The following PTBP2 variants were observed in gnomAD, a reference collection of about 807,000 sequenced individuals.
PTBP2 encodes the protein polypyrimidine tract-binding protein 2.
A neutral mutation model predicts 61.4 loss-of-function variants in PTBP2; 13 were observed. That is an observed-to-expected ratio of 0.21 (90% confidence interval 0.14 to 0.34). The LOEUF (loss-of-function observed/expected upper bound fraction) is 0.34, where lower values mean the gene tolerates loss of function less well. PTBP2 is among the 10% of genes least tolerant of loss of function. The pLI is 1.00. For missense variants in PTBP2, 405 were observed against 642.6 expected (o/e 0.63, Z 4.00); for synonymous variants, 215 against 218.5 (o/e 0.98, Z 0.14).
chr1:96,746,830 TG>T, intron 2 of PTBP2, among the ~76,000 whole-genome samples: 1 of 82,682 alleles, frequency 1.2e-5, no homozygotes, highest in African/African-American at 4.4e-5. Flanking sequence ...TCTGTCTGTC[TG>T]TCTGTCTCCC....
intron 2 of PTBP2, 145 bp downstream of exon 2, chr1:96,723,739 A>AT: frequency 1.6e-6 from 1 of 622,174 alleles, no homozygotes; most frequent in African/African-American, 1.8e-5. Context: ...AAGTTGGACC[A>AT]TATAAACAGT....
At chr1:96,725,169 G>T (rs1286801067) in intron 2 of PTBP2, among the ~76,000 whole-genome samples, 1 of 152,176 alleles carries the variant, frequency 6.6e-6, no homozygotes, top group African/African-American at 2.4e-5. Context: ...AAGAATAAAT[G>T]ATACAAGTGT....
chr1:96,746,074 A>C (rs1557701887), intron 2 of PTBP2, among the ~76,000 whole-genome samples: 1 of 145,994 alleles, frequency 6.8e-6, no homozygotes. Flanking sequence ...TCAAAAACAA[A>C]CAAAAAAAAA....
intron 5 of PTBP2, 141 bp downstream of exon 5, chr1:96,770,992 A>C (rs971202742): frequency 2.9e-6 from 2 of 681,360 alleles, no homozygotes; most frequent in Non-Finnish European, 4.8e-6. Flanking sequence ...TTCATGCAGA[A>C]TGTTTCTAAG....
chr1:96,749,174 GC>G (rs1654216445), intron 2 of PTBP2, among the ~76,000 whole-genome samples: 1 of 149,878 alleles, frequency 6.7e-6, no homozygotes, highest in African/African-American at 2.4e-5. Flanking sequence ...GTCCTTCATA[GC>G]ACACCACAAG....
intron 3 of PTBP2, among the ~76,000 whole-genome samples, chr1:96,765,264 G>C (rs188439482): frequency 6.6e-6 from 1 of 152,276 alleles, no homozygotes; most frequent in Non-Finnish European, 1.5e-5. Context: ...ATAAATGTGT[G>C]TCTCTGAAAG....
At chr1:96,791,668 A>G (rs1325957813) in intron 8 of PTBP2, among the ~76,000 whole-genome samples, 8 of 152,026 alleles carry the variant, frequency 5.3e-5, no homozygotes, top group Non-Finnish European at 8.8e-5. Flanking sequence ...GGGATTCGCT[A>G]TGTTTTCTGC....
At chr1:96,722,634 A>T (rs1649770644) in intron 1 of PTBP2, among the ~76,000 whole-genome samples, 1 of 152,256 alleles carries the variant, frequency 6.6e-6, no homozygotes, top group Non-Finnish European at 1.5e-5. Context: ...AGCCGACATC[A>T]GTCACATGGG....
At chr1:96,785,995 G>A (rs1049172605) in intron 8 of PTBP2, among the ~76,000 whole-genome samples, 15 of 152,092 alleles carry the variant, frequency 9.9e-5, no homozygotes, top group African/African-American at 3.6e-4. Flanking sequence ...TGGAATTTTA[G>A]AGTTTCCTTT....
rs918165459 is a variant in PTBP2 at position 96,734,320 on chromosome 1, T to C, written c.39+10726T>C. Among the ~76,000 whole-genome samples, 5 of 152,314 alleles carry C rather than the reference T, an allele frequency of 3.3e-5. No individual in the cohort carries two copies. The East Asian group carries it at 9.6e-4, about 29-fold the overall frequency. On this transcript the variant is annotated intron_variant, in intron 2 of 13. Coordinates refer to ENST00000674951, the MANE Select transcript of PTBP2 (RefSeq NM_021190.4). ...CTGTAAAGGCTTCAGTGTATATCTTTAAAGAATAGGGACTCTCCTCTCCTT... is the reference window on the plus strand; with the variant it reads ...CTGTAAAGGCTTCAGTGTATATCTTCAAAGAATAGGGACTCTCCTCTCCTT...
intron 11 of PTBP2, among the ~76,000 whole-genome samples, chr1:96,809,882 T>C (rs892380585): frequency 6.6e-6 from 1 of 151,982 alleles, no homozygotes; most frequent in East Asian, 1.9e-4. Flanking sequence ...GAAGGAGATA[T>C]TAAAGACAAG....
intron 8 of PTBP2, among the ~76,000 whole-genome samples, chr1:96,800,268 A>G (rs1660837098): frequency 1.3e-5 from 2 of 152,016 alleles, no homozygotes; most frequent in Admixed American, 1.3e-4. Context: ...TTTTGGTAAG[A>G]TTTTTATTAC....
At chr1:96,797,056 T>C (rs1660466392) in intron 8 of PTBP2, among the ~76,000 whole-genome samples, 1 of 151,916 alleles carries the variant, frequency 6.6e-6, no homozygotes, top group Admixed American at 6.6e-5. Context: ...AAGAGGGAAA[T>C]AAAGCCAGGT....
At chr1:96,749,700 T>A (rs572920915) in intron 2 of PTBP2, 1 of 455,332 alleles carries the variant, frequency 2.2e-6, no homozygotes, top group Non-Finnish European at 4.4e-6. Flanking sequence ...ATTCACTTAC[T>A]TAGTCAATAA....
intron 2 of PTBP2, among the ~76,000 whole-genome samples, chr1:96,735,668 C>CT (rs1652061708): frequency 6.6e-6 from 1 of 152,122 alleles, no homozygotes; most frequent in Middle Eastern, 3.4e-3. Flanking sequence ...CACTAAATAT[C>CT]TTTATTAGTG....
At chr1:96,765,808 G>A (rs192570697) in intron 3 of PTBP2, among the ~76,000 whole-genome samples, 3 of 152,172 alleles carry the variant, frequency 2.0e-5, no homozygotes, top group East Asian at 3.9e-4. Context: ...GTAGAGTATC[G>A]GAACAAAAAC....
At chr1:96,771,238 A>T (rs1657348227) in intron 5 of PTBP2, 1 of 155,540 alleles carries the variant, frequency 6.4e-6, no homozygotes, top group Admixed American at 6.4e-5. Context: ...AGATGTGTTA[A>T]TGGTTTTCCT....
chr1:96,793,703 T>G (rs569371983), intron 8 of PTBP2, among the ~76,000 whole-genome samples: 1 of 152,332 alleles, frequency 6.6e-6, no homozygotes, highest in African/African-American at 2.4e-5. Context: ...GGGTAAAATT[T>G]TTATTTTTGA....
At chr1:96,817,826 C>T (rs1220028745), downstream of PTBP2, 1 of 151,846 alleles carries the variant, frequency 6.6e-6, no homozygotes, top group Admixed American at 6.6e-5. Context: ...TCTTGTTTTG[C>T]CTAGTTATAA....
Sources: gnomAD v4.1 joint callset for allele counts (sites outside exome capture counted in the v4.1 genomes callset) on GRCh38, gnomAD v4.1.1 for gene constraint, MANE v1.5 for transcripts, NCBI Gene and HGNC (gene_info 2026-07-23, HGNC 2026-07-21) for gene names.